BICRAL: variants seen among roughly 807,000 people sequenced by gnomAD.
BICRAL encodes the protein BICRA like chromatin remodeling complex associated protein, also known as BRD4-interacting chromatin-remodeling complex-associated protein-like.
In BICRAL, 8 loss-of-function variants were observed where a neutral mutation model predicts 91.8. That is an observed-to-expected ratio of 0.09 (90% confidence interval 0.05 to 0.16). BICRAL has a LOEUF of 0.16. BICRAL is among the 10% of genes least tolerant of loss of function. BICRAL has a pLI of 1.00. For missense variants in BICRAL, 1,038 were observed against 1,310.9 expected (o/e 0.79, Z 3.21); for synonymous variants, 445 against 491.1 (o/e 0.91, Z 1.24).
At chr6:42,831,553 CG>C (rs970597121) in intron 6 of BICRAL, among the ~76,000 whole-genome samples, 23 of 152,132 alleles carry the variant, frequency 1.5e-4, no homozygotes, top group African/African-American at 5.6e-4. Flanking sequence ...GATCCTTCGA[CG>C]GCTCCATCAT....
intron 1 of BICRAL, among the ~76,000 whole-genome samples, chr6:42,763,308 T>C (rs907350811): frequency 3.9e-5 from 6 of 152,230 alleles, no homozygotes; most frequent in Non-Finnish European, 8.8e-5. Flanking sequence ...TTTTTCTGTC[T>C]CAGGTTCTTC....
chr6:42,843,749 T>G (rs1340672780), intron 6 of BICRAL, among the ~76,000 whole-genome samples: 1 of 151,860 alleles, frequency 6.6e-6, no homozygotes, highest in African/African-American at 2.4e-5. Flanking sequence ...ATGCTGAAGC[T>G]GAACACTGAA....
At position 42,793,296 on chromosome 6, in the gene BICRAL, A is replaced by ATTTTTTTTTTTTTTTTT. The variant is rs35332872; in HGVS notation, c.-102+11208_-102+11224dup. Among the ~76,000 whole-genome samples, 20 of 22,974 alleles carry ATTTTTTTTTTTTTTTTT rather than the reference A, an allele frequency of 8.7e-4. 3 individuals carry two copies. The highest frequency in any genetic ancestry group is 1.1e-3 in the African/African-American group (6 of 5,232). 15.1% of individuals were successfully genotyped at this position (22,974 alleles called of 152,430 possible). A position where few individuals can be genotyped will look rare whatever the true frequency, so the allele number is the denominator to read the frequency against. ...GTAGCTGGGATTACAGACCCAGCTA[A>ATTTTTTTTTTTTTTTTT]TTTTTTTTTTTTTTTTTTTTTTTTT... is the stretch of plus-strand genomic sequence containing the variant. On this transcript the variant is annotated intron_variant, in intron 1 of 12. Transcript: ENST00000314073.
At chr6:42,847,998 G>A (rs1316830355) in intron 6 of BICRAL, among the ~76,000 whole-genome samples, 6 of 151,968 alleles carry the variant, frequency 3.9e-5, no homozygotes, top group South Asian at 4.1e-4. Flanking sequence ...GTATGGTGGC[G>A]GGCGCCTGTA....
chr6:42,852,912 A>G (rs1329493393), intron 7 of BICRAL, among the ~76,000 whole-genome samples: 1 of 151,848 alleles, frequency 6.6e-6, no homozygotes, highest in East Asian at 1.9e-4. Context: ...CCTGGCCAAC[A>G]TGGTGAAACC....
intron 1 of BICRAL, among the ~76,000 whole-genome samples, chr6:42,783,665 C>T (rs1266796888): frequency 2.0e-5 from 3 of 152,226 alleles, no homozygotes; most frequent in African/African-American, 7.2e-5. Context: ...CGCCCCCAGA[C>T]CCAAAAGACG....
At chr6:42,801,388 T>C (rs1763568097) in intron 1 of BICRAL, among the ~76,000 whole-genome samples, 1 of 152,208 alleles carries the variant, frequency 6.6e-6, no homozygotes, top group Admixed American at 6.5e-5. Flanking sequence ...GGTGTCCTAC[T>C]ATTAAGCAGT....
intron 12 of BICRAL, 72 bp downstream of exon 12, chr6:42,862,684 CT>C: frequency 2.2e-6 from 2 of 908,310 alleles, no homozygotes; most frequent in Non-Finnish European, 3.6e-6. Context: ...CTTTGGCAGT[CT>C]GTCTGAACTT....
At chr6:42,775,427 T>G (rs1224124870) in intron 1 of BICRAL, among the ~76,000 whole-genome samples, 1 of 152,156 alleles carries the variant, frequency 6.6e-6, no homozygotes, top group East Asian at 1.9e-4. Context: ...TCCTCTCCAC[T>G]CCCCCATCCT....
chr6:42,786,035 C>CA (rs940107229), intron 1 of BICRAL, among the ~76,000 whole-genome samples: 4 of 150,280 alleles, frequency 2.7e-5, no homozygotes, highest in African/African-American at 7.3e-5. Context: ...AGCCTGGAGA[C>CA]AAAAAACACA....
chr6:42,860,350 T>A lies in BICRAL; in HGVS notation c.2343T>A (p.Asp781Glu). The change falls in exon 11 of 13, where the codon GAT (aspartate) becomes GAA (glutamate). Residue 781 changes from aspartate (D) to glutamate (E), a missense_variant. Physicochemically the swap from Asp to Glu is conservative, Grantham distance 45. Transcript: ENST00000314073. ...AATACAGATGCCTGCTCCTAGAAGA[T>A]GCCATGGTAAAAGTCATGCTACTGA... The part of the protein sequence containing the change: ...LNKYRCLLLE[D>E]AMRINPSAEM... 1 of 1,596,460 alleles carries A rather than the reference T, an allele frequency of 6.3e-7. No individual in the cohort carries two copies. The highest frequency in any genetic ancestry group is 8.6e-7 in the Non-Finnish European group (1 of 1,164,680).
At chr6:42,781,734 G>A (rs1162886981), upstream of BICRAL, 2 of 125,636 alleles carry the variant, frequency 1.6e-5, no homozygotes, top group Non-Finnish European at 3.4e-5. Flanking sequence ...AAGTTGAAAA[G>A]AATCCCAAAG....
At chr6:42,854,567 T>C (rs974713763) in intron 8 of BICRAL, among the ~76,000 whole-genome samples, 1 of 152,174 alleles carries the variant, frequency 6.6e-6, no homozygotes, top group African/African-American at 2.4e-5. Context: ...ACTCAGACTG[T>C]GCTGCAGTGG....
chr6:42,830,606 T>C (rs1764446314), intron 6 of BICRAL, among the ~76,000 whole-genome samples: 1 of 152,060 alleles, frequency 6.6e-6, no homozygotes, highest in African/African-American at 2.4e-5. Context: ...ATCTTTTTTC[T>C]TGATTTTCTT....
intron 1 of BICRAL, among the ~76,000 whole-genome samples, chr6:42,776,812 A>G (rs1045728750): frequency 3.9e-5 from 6 of 152,242 alleles, no homozygotes; most frequent in African/African-American, 1.4e-4. Context: ...AAAACTGGAG[A>G]GAGAGAACTC....
intron 1 of BICRAL, among the ~76,000 whole-genome samples, chr6:42,767,346 A>G (rs1168575305): frequency 1.3e-5 from 2 of 152,282 alleles, no homozygotes; most frequent in East Asian, 1.9e-4. Context: ...ATTATGCCTC[A>G]TGTAAAAGTT....
intron 2 of BICRAL, among the ~76,000 whole-genome samples, chr6:42,813,207 A>T (rs759503838): frequency 4.6e-5 from 7 of 152,206 alleles, no homozygotes; most frequent in Non-Finnish European, 8.8e-5. Context: ...AATTGGAGGG[A>T]AACTATAAAC....
At chr6:42,788,359 G>C (rs570056820) in intron 1 of BICRAL, among the ~76,000 whole-genome samples, 37 of 151,576 alleles carry the variant, frequency 2.4e-4, no homozygotes, top group African/African-American at 8.5e-4. Context: ...CAAGTAGCTA[G>C]AATTACAGGT....
intron 1 of BICRAL, among the ~76,000 whole-genome samples, chr6:42,804,882 T>TA (rs949703607): frequency 5.9e-5 from 9 of 152,164 alleles, no homozygotes; most frequent in African/African-American, 1.9e-4. Flanking sequence ...TCTGCTTTTT[T>TA]AAAAAAATTG....
Sources: allele counts gnomAD v4.1 joint callset (sites outside exome capture counted in the v4.1 genomes callset), GRCh38; gene constraint gnomAD v4.1.1; transcripts MANE v1.5; gene names NCBI Gene and HGNC (gene_info 2026-07-23, HGNC 2026-07-21).